Variants in GPR179 observed in about 807,000 individuals in gnomAD.
The protein encoded by GPR179 is probable G protein-coupled receptor 179.
Under a neutral mutation model 70.8 loss-of-function variants are expected in GPR179, and 52 were observed. The observed-to-expected ratio is 0.73, with a 90% confidence interval of 0.59 to 0.93. The LOEUF (loss-of-function observed/expected upper bound fraction) is 0.93. Among genes scored for constraint, GPR179 ranks in the 40% least tolerant of loss-of-function variants. GPR179 has a pLI of 0.00. For synonymous variants in GPR179, 1,123 were observed against 1,169.0 expected (o/e 0.96, Z 0.80); for missense variants, 2,734 against 2,966.8 (o/e 0.92, Z 1.82).
At position 38,329,586 on chromosome 17, in the gene GPR179, C is replaced by T. The variant is rs758245830; in HGVS notation, c.3983G>A (p.Arg1328Gln). 14 of 1,613,842 alleles carry T rather than the reference C, an allele frequency of 8.7e-6. No homozygotes were observed. Among genetic ancestry groups the T allele is most frequent in the Middle Eastern group, 1.6e-4 (1 of 6,084 alleles). Residue 1328 changes from arginine (R) to glutamine (Q), a missense_variant, in exon 11 of 11, where the codon CGA becomes CAA. By Grantham distance (43) the Arg-to-Gln change is conservative. Transcript: ENST00000616987. ...EAVCPWESAD[R>Q]GGLSPGSAPQ... is the part of the protein sequence containing the mutation. Reference sequence around the variant, plus strand: ...AGCTGACCCAGGGGACAGACCTCCTCGATCGGCACTCTCCCAGGGACACAC... The same window carrying T: ...AGCTGACCCAGGGGACAGACCTCCTTGATCGGCACTCTCCCAGGGACACAC...
chr17:38,337,268 T>A, intron 3 of GPR179, 55 bp from the exon 4 acceptor site: 1 of 1,520,944 alleles, frequency 6.6e-7, no homozygotes, highest in Non-Finnish European at 8.8e-7. Context: ...CATCCTGACA[T>A]CCCAGCCTTT....
In GPR179 at chr17:38,343,168, T is replaced by C. The variant is rs747489116; in HGVS notation, c.622A>G (p.Ser208Gly). Residue 208 changes from serine (S) to glycine (G), a missense_variant, in exon 1 of 11, where the codon AGC becomes GGC. By Grantham distance (56) the Ser-to-Gly change is moderately conservative. Transcript: ENST00000616987. The surrounding 1 kb of genome is among the most constrained non-coding windows in gnomAD (Gnocchi z 4.2). ...KKRVLTNDLG[S>G]LGSPKWPQAD... is the part of the protein sequence containing the mutation. ...TGCGGCCACTTGGGGCTGCCGAGGC[T>C]CCCTAGGTCATTGGTCAACACTCGC... The C allele has an allele frequency of 2.5e-6, 4 of 1,614,122 alleles. No homozygotes were observed. The highest frequency in any genetic ancestry group is 2.5e-6 in the Non-Finnish European group (3 of 1,179,992).
Position 38,329,634 on chromosome 17 carries a change from C to A in GPR179, c.3935G>T (p.Arg1312Met). 1 of 1,613,634 alleles carries A rather than the reference C, an allele frequency of 6.2e-7. No individual in the cohort carries two copies. Among genetic ancestry groups the A allele is most frequent in the Non-Finnish European group, 8.5e-7 (1 of 1,179,518 alleles). The stretch of plus-strand genomic sequence containing the variant: ...CACTGCTTCCTGCTCCCTCACCAGC[C>A]TCTCTGGCTTTTTCCGCATCATGGG... ...VVPMMRKKPE[R>M]LVREQEAVCP... is the part of the protein sequence containing the mutation. The change falls in exon 11 of 11, where the codon AGG becomes ATG. Residue 1312 changes from arginine to methionine, a missense_variant. Coordinates refer to ENST00000616987, the MANE Select transcript of GPR179 (RefSeq NM_001004334.4).
rs201777145 is a variant in GPR179, at chr17:38,329,750, G to C, written c.3819C>G (p.Ala1273=). ...CTTGTCTTAGTGCCCTCGACTCTGGGGCTCCTTCACTCGTCTCCCAGGGGC... is the reference window on the plus strand; with the variant it reads ...CTTGTCTTAGTGCCCTCGACTCTGGCGCTCCTTCACTCGTCTCCCAGGGGC... The part of the protein sequence containing the change: ...EICPWETSEG[A]PESRALRQDP... The change falls in exon 11 of 11, where the codon GCC becomes GCG. Residue 1273 remains alanine (A), a synonymous_variant. Transcript: ENST00000616987. 382 of 1,614,050 alleles carry C rather than the reference G, an allele frequency of 2.4e-4. 1 individual carries two copies. In the South Asian group the frequency reaches 4.0e-3, roughly 17 times the overall value.
Position 38,330,843 on chromosome 17 carries a change from C to T in GPR179, c.2726G>A (p.Ser909Asn). ...AGAGGTGTGAGAGCTGTCCACGCTG[C>T]TGCTCTTGGCAGGGGAAGGTGGAGC... is the stretch of plus-strand genomic sequence containing the variant. ...LSAPPSPAKS[S>N]SVDSSHTSGR... Residue 909 changes from serine (S) to asparagine (N), a missense_variant, in exon 11 of 11, where the codon AGC becomes AAC. By Grantham distance (46) the Ser-to-Asn change is conservative (BLOSUM62 1). Transcript: ENST00000616987. The T allele has an allele frequency of 6.2e-7, 1 of 1,603,780 alleles. No individual in the cohort carries two copies.
chr17:38,331,071 C>G lies in GPR179; in HGVS notation c.2498G>C (p.Arg833Pro). Residue 833 changes from arginine (R) to proline (P), a missense_variant, in exon 11 of 11, where the codon CGG becomes CCG. Coordinates refer to ENST00000616987, the MANE Select transcript of GPR179 (RefSeq NM_001004334.4). ...GAGCGACTTCTGCAGAGAGGCGGGC[C>G]GGGCTCTGGGTAGCCTCTCTCCCAC... ...LTVGERLPRA[R>P]PASLQKSLSV... 1 of 1,600,272 alleles carries G rather than the reference C, an allele frequency of 6.2e-7. No homozygotes were observed. The highest frequency in any genetic ancestry group is 8.5e-7 in the Non-Finnish European group (1 of 1,178,810).
rs750577460 is a variant in GPR179 at position 38,328,394 on chromosome 17, C to T, written c.5175G>A (p.Arg1725=). The T allele has an allele frequency of 1.9e-6, 3 of 1,613,434 alleles. No individual in the cohort carries two copies. The highest frequency in any genetic ancestry group is 2.5e-6 in the Non-Finnish European group (3 of 1,179,838). ...EERALGAEAI[R]KSPNDTGKVS... is the part of the protein sequence containing the mutation. ...CCTTGCCTGTATCATTTGGAGATTT[C>T]CTAATGGCCTCAGCTCCCAAAGCCC... Residue 1725 remains arginine, a synonymous_variant, in exon 11 of 11, where the codon AGG becomes AGA. Transcript: ENST00000616987.
intron 2 of GPR179, among the ~76,000 whole-genome samples, chr17:38,338,854 C>T (rs1382368649): frequency 6.6e-6 from 1 of 152,376 alleles, no homozygotes. Flanking sequence ...GAGTCACCTG[C>T]ACCCGTAGCT....
Position 38,328,732 on chromosome 17 carries a change from C to G in GPR179, c.4837G>C (p.Gly1613Arg), listed in dbSNP as rs201348918. Residue 1613 changes from glycine to arginine, a missense_variant, in exon 11 of 11, where the codon GGA becomes CGA. Gly to Arg is a moderately radical substitution (Grantham distance 125). Transcript: ENST00000616987. ...TCCTTGTCCTTTTGAGATTCTCCTCCTCTTGGCACCTGTGCTGATGTCCAT... is the reference window on the plus strand; with the variant it reads ...TCCTTGTCCTTTTGAGATTCTCCTCGTCTTGGCACCTGTGCTGATGTCCAT... ...EEWTSAQVPR[G>R]GESQKDKEKM... 1 of 1,613,902 alleles carries G rather than the reference C, an allele frequency of 6.2e-7. No individual in the cohort carries two copies. Among genetic ancestry groups the G allele is most frequent in the Non-Finnish European group, 8.5e-7 (1 of 1,179,972 alleles).
At chr17:38,331,760 C>T (rs1308642044) in intron 10 of GPR179, among the ~76,000 whole-genome samples, 3 of 152,146 alleles carry the variant, frequency 2.0e-5, no homozygotes, top group Non-Finnish European at 4.4e-5. Context: ...CTCATGTGTA[C>T]CCCCTTCTCT....
intron 1 of GPR179, among the ~76,000 whole-genome samples, chr17:38,342,109 T>C (rs2037453593): frequency 6.6e-6 from 1 of 150,892 alleles, no homozygotes; most frequent in African/African-American, 2.4e-5. Flanking sequence ...AGAGCGAGAC[T>C]CTGTCTTGAA....
At position 38,325,383 on chromosome 17, in the gene GPR179, C is replaced by G. The variant is rs1212518747; in HGVS notation, c.*1082G>C. ...GAAGAAGTAGAGTGCTGGCTGTGTA[C>G]AGGACTGCCTTTCTTGAGCTCCTCT... is the stretch of plus-strand genomic sequence containing the variant. On this transcript the variant is annotated 3_prime_UTR_variant, in exon 11 of 11. Transcript: ENST00000616987. The G allele has an allele frequency of 6.8e-6, 1 of 146,876 alleles. No individual in the cohort carries two copies. The highest frequency in any genetic ancestry group is 1.5e-5 in the Non-Finnish European group (1 of 67,706). The allele number at this position is 146,876 out of a possible 1,614,324, so 9.1% of individuals were successfully genotyped here.
Position 38,330,764 on chromosome 17 carries a change from G to A in GPR179, c.2805C>T (p.His935=), listed in dbSNP as rs759268820. Residue 935 remains histidine, a synonymous_variant, in exon 11 of 11, where the codon CAC becomes CAT. Transcript: ENST00000616987. ...RRRLPHPPIR[H]QVSTPILALS... ...GGGCCAAGATGGGGGTAGAAACCTG[G>A]TGCCTGATGGGTGGATGAGGCAGCC... is the stretch of plus-strand genomic sequence containing the variant. The A allele has an allele frequency of 1.3e-5, 20 of 1,590,170 alleles. No homozygotes were observed. The highest frequency in any genetic ancestry group is 1.6e-5 in the Non-Finnish European group (19 of 1,165,826).
chr17:38,336,886 C>A, intron 4 of GPR179, 92 bp downstream of exon 4: 1 of 1,315,896 alleles, frequency 7.6e-7, no homozygotes, highest in Non-Finnish European at 1.0e-6. Context: ...AAGATTAGAA[C>A]CAATTTCTCC....
intron 10 of GPR179, 101 bp downstream of exon 10, chr17:38,333,150 G>T: frequency 9.6e-7 from 1 of 1,037,494 alleles, no homozygotes; most frequent in Non-Finnish European, 1.5e-6. Context: ...GGAGGGAAGA[G>T]GACTTGCAGT....
chr17:38,328,043 C>A lies in GPR179; in HGVS notation c.5526G>T (p.Gln1842His), dbSNP rs1320842457. The A allele has an allele frequency of 6.2e-7, 1 of 1,614,170 alleles. No individual in the cohort carries two copies. The highest frequency in any genetic ancestry group is 1.7e-5 in the Admixed American group (1 of 60,028). ...DQKAGSESAE[Q>H]REKALEKGRL... ...TCCCCTTTTCTAGAGCTTTCTCCCT[C>A]TGCTCTGCTGATTCACTCCCTGCCT... is the stretch of plus-strand genomic sequence containing the variant. Residue 1842 changes from glutamine to histidine, a missense_variant, in exon 11 of 11, where the codon CAG (glutamine) becomes CAT (histidine). Physicochemically the swap from Gln to His is conservative, Grantham distance 24 (BLOSUM62 0). Coordinates refer to ENST00000616987, the MANE Select transcript of GPR179 (RefSeq NM_001004334.4).
chr17:38,329,317 G>A lies in GPR179; in HGVS notation c.4252C>T (p.Gln1418Ter), dbSNP rs1340814336. ...KTRKATFWKE[Q>*]KPGGDLESLC... ...GACTCCAAGTCTCCTCCCGGTTTCT[G>A]TTCTTTCCAAAAGGTTGCTTTCCTG... The change falls in exon 11 of 11, where the codon CAG becomes TAG. Residue 1418 changes from glutamine (Q) to a stop codon, truncating the protein, a stop_gained. Transcript: ENST00000616987. LOFTEE classifies it low-confidence loss of function (END_TRUNC). The A allele has an allele frequency of 1.2e-6, 2 of 1,612,830 alleles. No individual in the cohort carries two copies. Among genetic ancestry groups the A allele is most frequent in the African/African-American group, 1.3e-5 (1 of 74,752 alleles).
chr17:38,337,237 G>A lies in GPR179; in HGVS notation c.992-24C>T, dbSNP rs373296225. ...CCCTATAAAGAACAAGATGAGTGCA[G>A]GGAGAGGGGCCCAGCTAGAGCATCC... On this transcript the variant is annotated intron_variant, in intron 3 of 10. Coordinates refer to ENST00000616987, the MANE Select transcript of GPR179 (RefSeq NM_001004334.4). 11 of 1,580,334 alleles carry A rather than the reference G, an allele frequency of 7.0e-6. No homozygotes were observed. The African/African-American group carries it at 1.5e-4, about 21-fold the overall frequency.
In GPR179 at chr17:38,337,671, C is replaced by G; in HGVS notation, c.953G>C (p.Arg318Pro). The G allele has an allele frequency of 1.2e-6, 2 of 1,613,432 alleles. No homozygotes were observed. The highest frequency in any genetic ancestry group is 2.2e-5 in the South Asian group (2 of 90,998). Residue 318 changes from arginine to proline, a missense_variant, in exon 3 of 11, where the codon CGC becomes CCC. Physicochemically the swap from Arg to Pro is moderately radical, Grantham distance 103. Coordinates refer to ENST00000616987, the MANE Select transcript of GPR179 (RefSeq NM_001004334.4). ...QGFVLGRYLC[R>P]CRPGFYGASP... ...TGCCCCGTAGAATCCAGGTCGGCAG[C>G]GGCAGAGGTAGCGGCCAAGAACAAA...
Sources: allele counts gnomAD v4.1 joint callset (sites outside exome capture counted in the v4.1 genomes callset), GRCh38; gene constraint gnomAD v4.1.1; non-coding constraint Gnocchi (gnomAD v3.1); transcripts MANE v1.5; gene names NCBI Gene and HGNC (gene_info 2026-07-23, HGNC 2026-07-21).